MYH16: variants seen among roughly 807,000 people sequenced by gnomAD.
The protein encoded by MYH16 is putative uncharacterized protein MYH16.
downstream of MYH16, among the ~76,000 whole-genome samples, chr7:99,308,841 C>CA (rs1345094240): frequency 6.6e-6 from 1 of 152,164 alleles, no homozygotes; most frequent in Non-Finnish European, 1.5e-5. Context: ...CCTCTAATCC[C>CA]AACACTTTGG....
At chr7:99,255,567 T>C (rs989371334) in intron 8 of MYH16, 2 of 152,718 alleles carry the variant, frequency 1.3e-5, no homozygotes, top group Admixed American at 6.5e-5. Context: ...TAACCTGCTT[T>C]GCTATTCTTG....
intron 20 of MYH16, among the ~76,000 whole-genome samples, chr7:99,275,975 G>T (rs980104990): frequency 6.6e-6 from 1 of 152,038 alleles, no homozygotes; most frequent in East Asian, 1.9e-4. Flanking sequence ...TGATCTGCCC[G>T]CCTTGGCCTC....
intron 26 of MYH16, 40 bp from the exon 9 acceptor site, chr7:99,285,342 G>A (rs185580706): frequency 8.3e-5 from 38 of 456,266 alleles, no homozygotes; most frequent in African/African-American, 7.6e-4. Flanking sequence ...TACTAACTTT[G>A]CCTGGCAGAG....
At chr7:99,240,318 C>G (rs1791652724) in intron 1 of MYH16, among the ~76,000 whole-genome samples, 1 of 152,128 alleles carries the variant, frequency 6.6e-6, no homozygotes, top group Non-Finnish European at 1.5e-5. Context: ...TGTCACCATT[C>G]CATCCCTTCA....
intron 30 of MYH16, among the ~76,000 whole-genome samples, chr7:99,289,770 A>G (rs566855488): frequency 6.6e-6 from 1 of 152,342 alleles, no homozygotes; most frequent in Admixed American, 6.5e-5. Flanking sequence ...AAAATGGTAA[A>G]GCTGCCTTCA....
At chr7:99,246,496 G>C (rs1166974346) in intron 2 of MYH16, among the ~76,000 whole-genome samples, 1 of 152,200 alleles carries the variant, frequency 6.6e-6, no homozygotes, top group Non-Finnish European at 1.5e-5. Flanking sequence ...GAGGTCAGGA[G>C]TTTGTGACCA....
intron 28 of MYH16, among the ~76,000 whole-genome samples, chr7:99,287,642 G>A (rs1242462309): frequency 6.6e-6 from 1 of 151,756 alleles, no homozygotes. Context: ...TCCAAATCAG[G>A]TCCCATTCAT....
intron 25 of MYH16, among the ~76,000 whole-genome samples, chr7:99,284,533 G>A (rs1270151627): frequency 6.6e-6 from 1 of 152,154 alleles, no homozygotes; most frequent in African/African-American, 2.4e-5. Flanking sequence ...AGGCTGCAGT[G>A]AGCCATGATC....
At chr7:99,242,790 A>G (rs932590660) in intron 1 of MYH16, among the ~76,000 whole-genome samples, 5 of 152,146 alleles carry the variant, frequency 3.3e-5, no homozygotes, top group African/African-American at 9.7e-5. Flanking sequence ...CTTAGTCTTT[A>G]AAAAAGAGAG....
chr7:99,240,445 C>T (rs1435441061), intron 1 of MYH16, among the ~76,000 whole-genome samples: 1 of 152,118 alleles, frequency 6.6e-6, no homozygotes, highest in African/African-American at 2.4e-5. Flanking sequence ...TGAGAGCAAG[C>T]AAGCAAAGAA....
chr7:99,287,062 T>C (rs1429320450), intron 28 of MYH16, among the ~76,000 whole-genome samples: 1 of 152,054 alleles, frequency 6.6e-6, no homozygotes, highest in African/African-American at 2.4e-5. Context: ...GGCAGACAGC[T>C]GGGGGGAAGA....
intron 7 of MYH16, chr7:99,252,929 G>C (rs544492915): frequency 6.5e-6 from 1 of 152,758 alleles, no homozygotes; most frequent in South Asian, 2.1e-4. Flanking sequence ...TAATCTGTGA[G>C]GCCTGGTGCA....
intron 23 of MYH16, among the ~76,000 whole-genome samples, chr7:99,282,741 G>A (rs1792216648): frequency 6.6e-6 from 1 of 151,944 alleles, no homozygotes; most frequent in African/African-American, 2.4e-5. Context: ...GAGGCGAGAG[G>A]GTTGCTTGAG....
intron 32 of MYH16, among the ~76,000 whole-genome samples, chr7:99,292,994 T>G (rs1584356332): frequency 6.7e-6 from 1 of 148,584 alleles, no homozygotes; most frequent in African/African-American, 2.5e-5. Flanking sequence ...AGTGGACACC[T>G]GAGGAAATAA....
chr7:99,309,191 G>A (rs1792723146), downstream of MYH16, among the ~76,000 whole-genome samples: 1 of 152,100 alleles, frequency 6.6e-6, no homozygotes, highest in Non-Finnish European at 1.5e-5. Context: ...ATCAAAGACT[G>A]GTTCGCTTTG....
intron 22 of MYH16, among the ~76,000 whole-genome samples, 178 bp from the exon 5 acceptor site, chr7:99,280,698 C>A (rs1022825888): frequency 6.6e-6 from 1 of 152,148 alleles, no homozygotes; most frequent in African/African-American, 2.4e-5. Flanking sequence ...GGGGACCACA[C>A]TTTGAGAAGC....
chr7:99,292,499 A>G (rs1383342722), exon 32 of MYH16: 1 of 467,180 alleles, frequency 2.1e-6, no homozygotes, highest in East Asian at 6.6e-5. Flanking sequence ...GAGGAGCTGG[A>G]GGAGACCAAG....
At chr7:99,247,306 A>G (rs753022033) in intron 2 of MYH16, among the ~76,000 whole-genome samples, 1 of 152,086 alleles carries the variant, frequency 6.6e-6, no homozygotes, top group Non-Finnish European at 1.5e-5. Flanking sequence ...CCAAGTAGCT[A>G]GGATTATAGG....
Position 99,277,790 on chromosome 7 carries a change from C to T in MYH16, n.2659+78C>T, listed in dbSNP as rs769138570. On this transcript the variant is annotated intron_variant and non_coding_transcript_variant, in intron 21 of 41. Transcript: ENST00000439784. ...GGGAGGGAGGAAGGGCGAGCTCTTCCAAAAACCCATGTCCCTCCAGACCAC... is the reference window on the plus strand; with the variant it reads ...GGGAGGGAGGAAGGGCGAGCTCTTCTAAAAACCCATGTCCCTCCAGACCAC... 58 of 375,248 alleles carry T rather than the reference C, an allele frequency of 1.5e-4. 1 individual carries two copies. Among genetic ancestry groups the T allele is most frequent in the Non-Finnish European group, 2.7e-4 (52 of 189,490 alleles). 23.2% of individuals were successfully genotyped at this position (375,248 alleles called of 1,614,324 possible).
Sources: allele counts gnomAD v4.1 joint callset (sites outside exome capture counted in the v4.1 genomes callset), GRCh38; gene constraint gnomAD v4.1.1; transcripts MANE v1.5; gene names NCBI Gene and HGNC (gene_info 2026-07-23, HGNC 2026-07-21).